The following HMCN1 variants were observed in gnomAD, a reference collection of about 807,000 sequenced individuals.
The protein encoded by HMCN1 is hemicentin-1.
In HMCN1, 321 loss-of-function variants were observed where a neutral mutation model predicts 625.9. That is an observed-to-expected ratio of 0.51 (90% confidence interval 0.47 to 0.56). HMCN1 has a LOEUF of 0.56. Among genes scored for constraint, HMCN1 ranks in the 20% least tolerant of loss-of-function variants. HMCN1 has a pLI of 0.00. For missense variants in HMCN1, 6,588 were observed against 6,887.3 expected (o/e 0.96, Z 1.54); for synonymous variants, 2,425 against 2,417.6 (o/e 1.00, Z -0.09).
intron 15 of HMCN1, among the ~76,000 whole-genome samples, chr1:185,976,631 A>G (rs748108907): frequency 6.6e-6 from 1 of 152,164 alleles, no homozygotes; most frequent in African/African-American, 2.4e-5. Flanking sequence ...GCCTGCTTCC[A>G]TAATTCAACT....
At chr1:185,978,529 T>C (rs1234164693) in intron 16 of HMCN1, among the ~76,000 whole-genome samples, 3 of 152,166 alleles carry the variant, frequency 2.0e-5, no homozygotes, top group Non-Finnish European at 4.4e-5. Flanking sequence ...TTCTATTTTT[T>C]CAAATAATGC....
chr1:185,864,241 C>G (rs979473280), intron 2 of HMCN1, among the ~76,000 whole-genome samples: 6 of 152,048 alleles, frequency 3.9e-5, no homozygotes, highest in African/African-American at 1.4e-4. Context: ...AAATATATAG[C>G]TATTATTTTG....
At chr1:185,911,276 T>C (rs902535440) in intron 5 of HMCN1, among the ~76,000 whole-genome samples, 4 of 152,204 alleles carry the variant, frequency 2.6e-5, no homozygotes, top group African/African-American at 7.2e-5. Flanking sequence ...GTAATTACTA[T>C]CTAGGCTGGC....
intron 78 of HMCN1, 85 bp downstream of exon 78, chr1:186,119,383 T>G (rs1228596244): frequency 2.1e-6 from 2 of 974,084 alleles, no homozygotes; most frequent in African/African-American, 3.2e-5. Context: ...TGGTAGGTAC[T>G]GTCGAGAGCT....
Position 186,053,077 on chromosome 1 carries a change from C to T in HMCN1, c.6700+3C>T. 1 of 1,606,010 alleles carries T rather than the reference C, an allele frequency of 6.2e-7. No individual in the cohort carries two copies. The highest frequency in any genetic ancestry group is 1.1e-5 in the South Asian group (1 of 90,494). On this transcript the variant is annotated splice_donor_region_variant and intron_variant, in intron 43 of 106. Coordinates refer to ENST00000271588, the MANE Select transcript of HMCN1 (RefSeq NM_031935.3). ...AAATCTCATCTGGAAGAAGAAAGGT[C>T]AGTTTTCATCCTTGAAATTTATAAA...
At chr1:186,057,095 T>C in intron 45 of HMCN1, 139 bp from the exon 46 acceptor site, 4 of 713,558 alleles carry the variant, frequency 5.6e-6, no homozygotes, top group Non-Finnish European at 7.4e-6. Context: ...CTTATTTTGC[T>C]TACTATTAAT....
intron 11 of HMCN1, among the ~76,000 whole-genome samples, chr1:185,944,022 C>T (rs1291387026): frequency 2.0e-5 from 3 of 152,118 alleles, no homozygotes; most frequent in Admixed American, 2.0e-4. Flanking sequence ...TGAAGGATTA[C>T]CGACTTTTCC....
intron 11 of HMCN1, among the ~76,000 whole-genome samples, chr1:185,953,080 G>A (rs1047950386): frequency 1.2e-4 from 18 of 151,360 alleles, no homozygotes; most frequent in Non-Finnish European, 1.9e-4. Context: ...GGGGTTGAGG[G>A]GTACTTGCCC....
In HMCN1 at chr1:185,870,933, G is replaced by A. The variant is rs539167243; in HGVS notation, c.621+5070G>A. ...TAGGGAACCAAGGAGCCCTGTTGAG[G>A]TGTTCCATAAAAGTCAGCATCCCTG... is the stretch of plus-strand genomic sequence containing the variant. On this transcript the variant is annotated intron_variant, in intron 4 of 106. Coordinates refer to ENST00000271588, the MANE Select transcript of HMCN1 (RefSeq NM_031935.3). 2.0e-5 allele frequency among the ~76,000 whole-genome samples: 3 copies of A among 152,158 alleles called. No homozygotes were observed. In the East Asian group the frequency reaches 5.8e-4, roughly 29 times the overall value.
chr1:186,167,081 C>A, intron 100 of HMCN1, 139 bp downstream of exon 100: 2 of 1,046,024 alleles, frequency 1.9e-6, no homozygotes, highest in Non-Finnish European at 2.9e-6. Flanking sequence ...AGATATCCAG[C>A]AAGAGGGACT....
intron 1 of HMCN1, among the ~76,000 whole-genome samples, chr1:185,748,445 T>A (rs961894845): frequency 1.3e-5 from 2 of 152,202 alleles, no homozygotes; most frequent in African/African-American, 4.8e-5. Flanking sequence ...CAAGGAACTT[T>A]CCTGGAATAT....
At chr1:185,896,084 C>T (rs953388624) in intron 4 of HMCN1, among the ~76,000 whole-genome samples, 5 of 151,854 alleles carry the variant, frequency 3.3e-5, no homozygotes, top group Admixed American at 6.6e-5. Flanking sequence ...TACAGGCGCC[C>T]GCCACCATGC....
In HMCN1 at chr1:186,090,252, T is replaced by C. The variant is rs149391798; in HGVS notation, c.9728-506T>C. Among the ~76,000 whole-genome samples the C allele has an allele frequency of 3.7e-3, 563 of 152,088 alleles. 4 individuals are homozygous for C. Among genetic ancestry groups the C allele is most frequent in the African/African-American group, 0.013 (536 of 41,544 alleles). ...ATAGAAACTATTGGCTCTTCAGAAC[T>C]ACAACAAACCTATCCATTGTTCAAA... On this transcript the variant is annotated intron_variant, in intron 63 of 106. Transcript: ENST00000271588.
At chr1:185,770,413 T>C (rs1013123084) in intron 1 of HMCN1, among the ~76,000 whole-genome samples, 8 of 152,202 alleles carry the variant, frequency 5.3e-5, no homozygotes, top group African/African-American at 1.9e-4. Context: ...AAATGTTTTT[T>C]AAAAAAGAGA....
chr1:186,033,003 G>A (rs1571748815), intron 36 of HMCN1, among the ~76,000 whole-genome samples: 1 of 150,522 alleles, frequency 6.6e-6, no homozygotes, highest in Non-Finnish European at 1.5e-5. Flanking sequence ...GCAAAGATAT[G>A]GAACCAACCT....
chr1:185,950,480 C>T lies in HMCN1; in HGVS notation c.1829-12038C>T, dbSNP rs532731570. Among the ~76,000 whole-genome samples the T allele has an allele frequency of 5.1e-4, 78 of 151,590 alleles. 2 individuals are homozygous for T. The South Asian group carries it at 0.013, about 25-fold the overall frequency. On this transcript the variant is annotated intron_variant, in intron 11 of 106. Transcript: ENST00000271588. ...GGCTCTTGTGTAAGAATTCTGACCG[C>T]GCTAACCATGCCTAGGAGGGAAAGG... is the stretch of plus-strand genomic sequence containing the variant.
chr1:186,063,511 A>G (rs937912111), intron 48 of HMCN1, among the ~76,000 whole-genome samples: 2 of 124,996 alleles, frequency 1.6e-5, no homozygotes, highest in Non-Finnish European at 3.4e-5. Flanking sequence ...GGAAGGAAGG[A>G]AGGGAGTCTT....
chr1:186,051,240 C>T (rs1656928223), intron 42 of HMCN1, among the ~76,000 whole-genome samples: 1 of 151,942 alleles, frequency 6.6e-6, no homozygotes, highest in Non-Finnish European at 1.5e-5. Flanking sequence ...ATGCTCAGGT[C>T]TGTATTTTAG....
chr1:186,166,035 T>TG, intron 98 of HMCN1, 149 bp from the exon 99 acceptor site: 1 of 755,566 alleles, frequency 1.3e-6, no homozygotes. Flanking sequence ...TTTTATTCAG[T>TG]GAATTCATTT....
Sources: gnomAD v4.1 joint callset for allele counts (sites outside exome capture counted in the v4.1 genomes callset) on GRCh38, gnomAD v4.1.1 for gene constraint, MANE v1.5 for transcripts, NCBI Gene and HGNC (gene_info 2026-07-23, HGNC 2026-07-21) for gene names.